Variants in DMD observed in about 807,000 individuals in gnomAD.
DMD encodes the protein dystrophin.
In DMD, 63 loss-of-function variants were observed where a neutral mutation model predicts 330.1. The ratio of observed to expected loss-of-function variants is 0.19; its 90% CI spans 0.16 to 0.24. DMD has a LOEUF of 0.24. DMD is among the 10% of genes least tolerant of loss of function. DMD has a pLI of 1.00. For missense variants in DMD, 3,344 were observed against 2,684.1 expected (o/e 1.25, Z -5.43); for synonymous variants, 1,223 against 959.8 (o/e 1.27, Z -5.07).
intron 44 of DMD, among the ~76,000 whole-genome samples, chrX:32,194,790 A>T (rs1262756681): frequency 8.9e-6 from 1 of 112,139 alleles, no homozygotes; most frequent in Non-Finnish European, 1.9e-5. Context: ...ACTTAAGAAG[A>T]AAATGGTAAA....
intron 2 of DMD, among the ~76,000 whole-genome samples, chrX:32,924,091 T>C (rs1473340324): frequency 1.8e-5 from 2 of 111,993 alleles, no homozygotes; most frequent in Non-Finnish European, 3.8e-5. Flanking sequence ...GTCCTTGCTT[T>C]CTTTTGCTTA....
intron 78 of DMD, 21 bp from the exon 79 acceptor site, chrX:31,121,951 A>C (rs1253477749): frequency 1.9e-5 from 21 of 1,115,314 alleles, no homozygotes; most frequent in South Asian, 5.5e-5. Flanking sequence ...AAGAGAAAGA[A>C]AGACAGACTT....
At chrX:31,507,260 T>C (rs1233210944) in intron 56 of DMD, 21 bp downstream of exon 56, 2 of 1,210,915 alleles carry the variant, frequency 1.7e-6, no homozygotes, top group South Asian at 3.5e-5. Context: ...TGTGGCCTTT[T>C]TGCTCCACAT....
At chrX:31,965,878 A>G (rs940985553) in intron 45 of DMD, among the ~76,000 whole-genome samples, 1 of 112,011 alleles carries the variant, frequency 8.9e-6, no homozygotes, top group Non-Finnish European at 1.9e-5. Flanking sequence ...ATTTGCTTCC[A>G]ACATAGACTA....
intron 60 of DMD, among the ~76,000 whole-genome samples, chrX:31,401,321 G>T (rs902837888): frequency 3.6e-5 from 4 of 111,664 alleles, no homozygotes; most frequent in African/African-American, 1.3e-4. Flanking sequence ...GTTGCTTGAT[G>T]TCGTTAGAAA....
chrX:32,334,235 T>C (rs1469117608), intron 41 of DMD, among the ~76,000 whole-genome samples: 1 of 111,842 alleles, frequency 8.9e-6, no homozygotes, highest in Non-Finnish European at 1.9e-5. Flanking sequence ...AGGAGAAAAA[T>C]TCTACAAACA....
chrX:32,012,018 T>C (rs914501617), intron 44 of DMD, among the ~76,000 whole-genome samples: 1 of 112,271 alleles, frequency 8.9e-6, no homozygotes, highest in South Asian at 3.7e-4. Flanking sequence ...TAAACAGTTG[T>C]CAAGCCCCCC....
chrX:31,585,313 G>A (rs1234218816), intron 55 of DMD, among the ~76,000 whole-genome samples: 23 of 75,779 alleles, frequency 3.0e-4, no homozygotes, highest in Non-Finnish European at 5.1e-4. Flanking sequence ...AACAGAGTGA[G>A]ACCCTGTCTC....
intron 12 of DMD, among the ~76,000 whole-genome samples, chrX:32,606,645 A>T (rs937248067): frequency 9.2e-6 from 1 of 108,870 alleles, no homozygotes; most frequent in Admixed American, 9.9e-5. Flanking sequence ...ATAGCAAAGA[A>T]TCAACCTAAG....
chrX:32,940,808 C>A (rs2090356944), intron 2 of DMD, among the ~76,000 whole-genome samples: 1 of 111,308 alleles, frequency 9.0e-6, no homozygotes. Flanking sequence ...ACAAGCGAGA[C>A]CTAATTAAAC....
intron 11 of DMD, among the ~76,000 whole-genome samples, chrX:32,627,767 T>C (rs1019076277): frequency 1.4e-4 from 16 of 111,782 alleles, no homozygotes; most frequent in Admixed American, 1.9e-4. Flanking sequence ...TTTGGTGGAA[T>C]TTTATACAGA....
chrX:32,545,469 A>G (rs778370901), intron 16 of DMD, 135 bp from the exon 17 acceptor site: 2 of 590,219 alleles, frequency 3.4e-6, no homozygotes, highest in African/African-American at 2.3e-5. Flanking sequence ...AAATAGCACC[A>G]TATTGAAGCC....
intron 44 of DMD, among the ~76,000 whole-genome samples, chrX:32,164,995 C>T (rs1268506525): frequency 8.9e-6 from 1 of 112,340 alleles, no homozygotes; most frequent in Non-Finnish European, 1.9e-5. Flanking sequence ...GGAACCTCTG[C>T]CTAGATTTCA....
intron 44 of DMD, among the ~76,000 whole-genome samples, chrX:32,086,493 T>A (rs981227262): frequency 1.8e-5 from 2 of 111,437 alleles, no homozygotes; most frequent in African/African-American, 6.5e-5. Context: ...TGATCCAGCC[T>A]TTGACGCAAA....
chrX:32,374,151 T>G (rs781210033), intron 34 of DMD, among the ~76,000 whole-genome samples: 2 of 111,673 alleles, frequency 1.8e-5, no homozygotes, highest in East Asian at 5.6e-4. Context: ...TTAATCTGTT[T>G]TTTTTTAATT....
chrX:31,887,865 A>G (rs1396608581), intron 47 of DMD, among the ~76,000 whole-genome samples: 1 of 112,548 alleles, frequency 8.9e-6, no homozygotes, highest in Non-Finnish European at 1.9e-5. Context: ...CTTACATGAT[A>G]TAGCATTTGT....
chrX:32,721,462 A>C (rs1318789921), intron 7 of DMD, among the ~76,000 whole-genome samples: 1 of 110,132 alleles, frequency 9.1e-6, no homozygotes, highest in Non-Finnish European at 1.9e-5. Flanking sequence ...AGTGATATTG[A>C]GCACGTTTTA....
chrX:33,100,088 C>G (rs2095222053), intron 1 of DMD, among the ~76,000 whole-genome samples: 1 of 111,824 alleles, frequency 8.9e-6, no homozygotes, highest in Admixed American at 9.6e-5. Flanking sequence ...ATTGTTGACT[C>G]AAGGACACTG....
intron 51 of DMD, among the ~76,000 whole-genome samples, chrX:31,744,423 C>T (rs905987220): frequency 2.7e-5 from 3 of 111,691 alleles, no homozygotes; most frequent in African/African-American, 9.8e-5. Flanking sequence ...CTGCAAAGTG[C>T]AATAAAGTGA....
Sources: gnomAD v4.1 joint callset for allele counts (sites outside exome capture counted in the v4.1 genomes callset) on GRCh38, gnomAD v4.1.1 for gene constraint, MANE v1.5 for transcripts, NCBI Gene and HGNC (gene_info 2026-07-23, HGNC 2026-07-21) for gene names.